The following PPP1R21 variants were observed in gnomAD, a reference collection of about 807,000 sequenced individuals.
The protein encoded by PPP1R21 is protein phosphatase 1 regulatory subunit 21, also known as KLRAQ motif containing 1.
Under a neutral mutation model 112.8 loss-of-function variants are expected in PPP1R21, and 85 were observed. The ratio of observed to expected loss-of-function variants is 0.75; its 90% CI spans 0.63 to 0.90. The LOEUF is 0.90. Ranked by LOEUF, PPP1R21 falls within the 40% of genes least tolerant of loss-of-function variation. The pLI is 0.00. For synonymous variants in PPP1R21, 381 were observed against 322.3 expected (o/e 1.18, Z -1.95); for missense variants, 1,199 against 901.5 (o/e 1.33, Z -4.23).
intron 18 of PPP1R21, among the ~76,000 whole-genome samples, chr2:48,506,371 G>T (rs1000529178): frequency 5.9e-5 from 9 of 152,112 alleles, no homozygotes; most frequent in Admixed American, 3.9e-4. Context: ...TGGGATTACA[G>T]GCGTGAGCCA....
intron 2 of PPP1R21, among the ~76,000 whole-genome samples, chr2:48,452,376 G>A (rs1158910365): frequency 2.0e-5 from 3 of 152,120 alleles, no homozygotes; most frequent in Non-Finnish European, 2.9e-5. Context: ...ACAACAACCC[G>A]ATGAGGTCAG....
Position 48,498,644 on chromosome 2 carries a change from T to C in PPP1R21, c.1844T>C (p.Leu615Pro). Reference protein sequence around the residue: ...KNTGSAQLVGLAQENAAVSNT... With the variant: ...KNTGSAQLVGPAQENAAVSNT... Reference sequence around the variant, plus strand: ...ACAGGTAGTGCCCAGCTGGTTGGGCTGGCCCAGGAAAATGCTGCTGTGTCA... The same window carrying C: ...ACAGGTAGTGCCCAGCTGGTTGGGCCGGCCCAGGAAAATGCTGCTGTGTCA... The change falls in exon 17 of 22, where the codon CTG (leucine) becomes CCG (proline). Residue 615 changes from leucine (L) to proline (P), a missense_variant. By Grantham distance (98) the Leu-to-Pro change is moderately conservative. Coordinates refer to ENST00000294952, the MANE Select transcript of PPP1R21 (RefSeq NM_001135629.3). 1 of 1,614,226 alleles carries C rather than the reference T, an allele frequency of 6.2e-7. No individual in the cohort carries two copies. Among genetic ancestry groups the C allele is most frequent in the Non-Finnish European group, 8.5e-7 (1 of 1,180,024 alleles).
At chr2:48,479,497 A>C (rs1437637969) in intron 12 of PPP1R21, 1 of 474,378 alleles carries the variant, frequency 2.1e-6, no homozygotes, top group East Asian at 6.9e-5. Flanking sequence ...TGCAGAGGGC[A>C]AGCAGGTCCA....
At chr2:48,454,544 T>C (rs753234502) in intron 2 of PPP1R21, 51 bp from the exon 3 acceptor site, 2 of 1,603,904 alleles carry the variant, frequency 1.2e-6, no homozygotes, top group South Asian at 1.1e-5. Context: ...ATAAAATTTC[T>C]AAACCTTACA....
intron 16 of PPP1R21, among the ~76,000 whole-genome samples, chr2:48,497,713 G>A (rs1166638864): frequency 2.7e-5 from 4 of 149,702 alleles, no homozygotes; most frequent in Admixed American, 2.0e-4. Flanking sequence ...GTGCAGTGGC[G>A]CTATCTCGGC....
At chr2:48,475,402 A>G (rs765894660) in intron 12 of PPP1R21, among the ~76,000 whole-genome samples, 1 of 152,200 alleles carries the variant, frequency 6.6e-6, no homozygotes, top group Non-Finnish European at 1.5e-5. Context: ...GGCATTGAGC[A>G]TGCATTAAAT....
At chr2:48,485,882 TATATACTAACTAATATATACAATTG>T in intron 13 of PPP1R21, among the ~76,000 whole-genome samples, 2 of 1,884 alleles carry the variant, frequency 1.1e-3, no homozygotes, top group African/African-American at 5.5e-3. Flanking sequence ...TATACAATTG[TATATACTAACTAATATATACAATTG>T]TATATACTAA....
rs540444592 is a variant in PPP1R21 at position 48,504,370 on chromosome 2, C to T, written c.1936-1194C>T. ...ATTAAAACTGTCTATTGACTGGGTG[C>T]GGTGGCTCTTGCCTGTAATCCCAGC... On this transcript the variant is annotated intron_variant, in intron 17 of 21. Transcript: ENST00000294952. Among the ~76,000 whole-genome samples, 17 of 152,270 alleles carry T rather than the reference C, an allele frequency of 1.1e-4. No homozygotes were observed. The South Asian group carries it at 1.5e-3, about 13-fold the overall frequency.
Position 48,442,666 on chromosome 2 carries a change from G to A in PPP1R21, c.57+1656G>A, listed in dbSNP as rs184303196. On this transcript the variant is annotated intron_variant, in intron 1 of 21. Transcript: ENST00000294952. ...GGACTACCGAAGACATTGGATAAGC[G>A]TTGAGGTTATACTGGGGATTAGAGA... 2.6e-5 allele frequency among the ~76,000 whole-genome samples: 4 copies of A among 152,266 alleles called. No homozygotes were observed. In the East Asian group the frequency reaches 5.8e-4, roughly 22 times the overall value.
intron 1 of PPP1R21, among the ~76,000 whole-genome samples, chr2:48,446,376 A>G (rs1667248036): frequency 6.6e-6 from 1 of 152,200 alleles, no homozygotes. Flanking sequence ...AAGTTGGGCT[A>G]TTCCAGAACC....
chr2:48,468,620 C>T (rs1333261427), intron 9 of PPP1R21, among the ~76,000 whole-genome samples: 1 of 151,986 alleles, frequency 6.6e-6, no homozygotes, highest in African/African-American at 2.4e-5. Context: ...CAAGACCAGC[C>T]TGGGCAACAT....
intron 18 of PPP1R21, among the ~76,000 whole-genome samples, chr2:48,506,678 G>T (rs1670393021): frequency 6.6e-6 from 1 of 151,884 alleles, no homozygotes. Flanking sequence ...GGGCGCGGTG[G>T]CTCACGCCTG....
chr2:48,491,771 C>A (rs1442718478), intron 15 of PPP1R21, among the ~76,000 whole-genome samples: 1 of 151,704 alleles, frequency 6.6e-6, no homozygotes, highest in African/African-American at 2.4e-5. Context: ...TCTCTTAATG[C>A]ATTGAGGATA....
At chr2:48,508,150 G>C (rs1194666787) in intron 19 of PPP1R21, among the ~76,000 whole-genome samples, 4 of 151,952 alleles carry the variant, frequency 2.6e-5, no homozygotes, top group African/African-American at 9.7e-5. Flanking sequence ...AGAATTAAGG[G>C]GGCAAATGAA....
At chr2:48,467,871 A>G (rs928205284) in intron 9 of PPP1R21, among the ~76,000 whole-genome samples, 17 of 152,340 alleles carry the variant, frequency 1.1e-4, no homozygotes, top group African/African-American at 3.8e-4. Context: ...GGAAATTGCT[A>G]TACATGTGTG....
At chr2:48,489,688 T>A (rs1669468877) in intron 14 of PPP1R21, among the ~76,000 whole-genome samples, 2 of 151,864 alleles carry the variant, frequency 1.3e-5, no homozygotes, top group Admixed American at 6.6e-5. Context: ...GCACGGTAGC[T>A]CACCTGAGGT....
chr2:48,492,441 C>T (rs184040331), intron 15 of PPP1R21, among the ~76,000 whole-genome samples: 14 of 152,202 alleles, frequency 9.2e-5, no homozygotes, highest in Admixed American at 4.6e-4. Flanking sequence ...TGTCATTTCA[C>T]GTGGAACTCA....
At chr2:48,502,572 C>G (rs1240878584) in intron 17 of PPP1R21, among the ~76,000 whole-genome samples, 1 of 151,900 alleles carries the variant, frequency 6.6e-6, no homozygotes, top group Non-Finnish European at 1.5e-5. Flanking sequence ...AAGTATGTGC[C>G]CATTTCAGTG....
chr2:48,449,538 T>A (rs1443992833), intron 1 of PPP1R21, among the ~76,000 whole-genome samples: 1 of 152,222 alleles, frequency 6.6e-6, no homozygotes, highest in Admixed American at 6.5e-5. Context: ...AGTCTGTCTT[T>A]TGCTCAAACT....
Sources: allele counts gnomAD v4.1 joint callset (sites outside exome capture counted in the v4.1 genomes callset), GRCh38; gene constraint gnomAD v4.1.1; transcripts MANE v1.5; gene names NCBI Gene and HGNC (gene_info 2026-07-23, HGNC 2026-07-21).